Variants in RASSF9 observed in about 807,000 individuals in gnomAD.
RASSF9 encodes the protein ras association domain-containing protein 9.
Under a neutral mutation model 21.4 loss-of-function variants are expected in RASSF9, and 18 were observed. The ratio of observed to expected loss-of-function variants is 0.84; its 90% CI spans 0.58 to 1.25. The LOEUF is 1.25. RASSF9 is among the 50% of genes most tolerant of loss of function. The probability of loss-of-function intolerance (pLI) is 0.00; values close to 1 mark genes in which losing one functional copy is unlikely to be tolerated. For missense variants in RASSF9, 480 were observed against 503.2 expected (o/e 0.95, Z 0.44); for synonymous variants, 183 against 179.1 (o/e 1.02, Z -0.18).
intron 1 of RASSF9, among the ~76,000 whole-genome samples, chr12:85,806,767 C>T (rs1879846585): frequency 6.7e-6 from 1 of 150,240 alleles, no homozygotes; most frequent in Non-Finnish European, 1.5e-5. Flanking sequence ...CTTTTTATTT[C>T]CTAGTGTGCT....
In RASSF9 at chr12:85,801,942, G is replaced by A. The variant is rs1242314285; in HGVS notation, c.*2760C>T. The A allele has an allele frequency of 6.6e-6, 1 of 152,238 alleles. No individual in the cohort carries two copies. The highest frequency in any genetic ancestry group is 1.5e-5 in the Non-Finnish European group (1 of 68,062). 9.4% of individuals were successfully genotyped at this position (152,238 alleles called of 1,614,324 possible). On this transcript the variant is annotated 3_prime_UTR_variant, in exon 2 of 2. Transcript: ENST00000361228. ...CTAAAATATTTCTGGGTTCAGAGAT[G>A]AGATTCCAACTAATTGAATGGAACA... is the stretch of plus-strand genomic sequence containing the variant.
chr12:85,835,549 T>A (rs1281953131), intron 1 of RASSF9, among the ~76,000 whole-genome samples: 1 of 152,180 alleles, frequency 6.6e-6, no homozygotes, highest in African/African-American at 2.4e-5. Flanking sequence ...TGCTTAAAAC[T>A]ACCTAAAATT....
chr12:85,819,429 A>G (rs1012792901), intron 1 of RASSF9, among the ~76,000 whole-genome samples: 13 of 152,184 alleles, frequency 8.5e-5, no homozygotes, highest in African/African-American at 2.9e-4. Flanking sequence ...TGACCTATTC[A>G]TTCCTGCACC....
chr12:85,817,873 G>A lies in RASSF9; in HGVS notation c.48-11911C>T, dbSNP rs556667707. Reference sequence around the variant, plus strand: ...TGTACAAATGTACTATACAATTTCAGAGAAGAAAAACAACAATAAAGTTAA... The same window carrying A: ...TGTACAAATGTACTATACAATTTCAAAGAAGAAAAACAACAATAAAGTTAA... On this transcript the variant is annotated intron_variant, in intron 1 of 1. Coordinates refer to ENST00000361228, the MANE Select transcript of RASSF9 (RefSeq NM_005447.4). Among the ~76,000 whole-genome samples, 3 of 152,182 alleles carry A rather than the reference G, an allele frequency of 2.0e-5. No individual in the cohort carries two copies. In the South Asian group the frequency reaches 6.2e-4, roughly 32 times the overall value.
chr12:85,820,856 T>C (rs955785667), intron 1 of RASSF9, among the ~76,000 whole-genome samples: 1 of 152,116 alleles, frequency 6.6e-6, no homozygotes, highest in African/African-American at 2.4e-5. Context: ...CTTTAAAAGC[T>C]ACATTGAGGC....
At chr12:85,814,120 G>C (rs374701718) in intron 1 of RASSF9, among the ~76,000 whole-genome samples, 4 of 152,168 alleles carry the variant, frequency 2.6e-5, no homozygotes, top group African/African-American at 9.6e-5. Flanking sequence ...TCAGATTGAA[G>C]CATAAGGCCT....
chr12:85,805,395 T>A lies in RASSF9; in HGVS notation c.615A>T (p.Lys205Asn), dbSNP rs371263269. The change falls in exon 2 of 2, where the codon AAA becomes AAT. Residue 205 changes from lysine to asparagine, a missense_variant. Coordinates refer to ENST00000361228, the MANE Select transcript of RASSF9 (RefSeq NM_005447.4). ...ACTTTTCAATTTCCAGATCCAGCTC[T>A]TTCATTCTCTTGACTTGCTGATGAA... ...HTIHQQVKRMKELDLEIEKCE... is the reference protein window; with the variant it reads ...HTIHQQVKRMNELDLEIEKCE... The A allele has an allele frequency of 5.8e-5, 94 of 1,613,580 alleles. No homozygotes were observed. Among genetic ancestry groups the A allele is most frequent in the Non-Finnish European group, 7.4e-5 (87 of 1,179,782 alleles).
At chr12:85,832,177 T>G (rs546463679) in intron 1 of RASSF9, among the ~76,000 whole-genome samples, 1 of 152,024 alleles carries the variant, frequency 6.6e-6, no homozygotes, top group Non-Finnish European at 1.5e-5. Flanking sequence ...AAGTGCCCTT[T>G]AAACTGGATT....
chr12:85,820,355 G>T (rs1880179930), intron 1 of RASSF9, among the ~76,000 whole-genome samples: 1 of 152,092 alleles, frequency 6.6e-6, no homozygotes. Flanking sequence ...TTTACTGAAA[G>T]TTTGCCAACC....
At chr12:85,806,833 G>A (rs542161686) in intron 1 of RASSF9, among the ~76,000 whole-genome samples, 41 of 152,106 alleles carry the variant, frequency 2.7e-4, no homozygotes, top group African/African-American at 9.9e-4. Flanking sequence ...TTAAAGCATA[G>A]GTAGCGATAG....
At position 85,803,439 on chromosome 12, in the gene RASSF9, CAT is replaced by C. The variant is rs1190694606; in HGVS notation, c.*1261_*1262del. On this transcript the variant is annotated 3_prime_UTR_variant, in exon 2 of 2. Transcript: ENST00000361228. ...AATAATTATTTCATTATGATTGCATCATGTGTTCATTGGCAGGAAGGAAGCAA... is the reference window on the plus strand; with the variant it reads ...AATAATTATTTCATTATGATTGCATCGTGTTCATTGGCAGGAAGGAAGCAA... The C allele has an allele frequency of 2.0e-5, 3 of 151,876 alleles. No individual in the cohort carries two copies. The highest frequency in any genetic ancestry group is 4.4e-5 in the Non-Finnish European group (3 of 67,978). 9.4% of individuals were successfully genotyped at this position (151,876 alleles called of 1,614,324 possible). A position where few individuals can be genotyped will look rare whatever the true frequency, so the allele number is the denominator to read the frequency against.
intron 1 of RASSF9, among the ~76,000 whole-genome samples, chr12:85,809,380 C>T (rs545906439): frequency 6.6e-6 from 1 of 152,126 alleles, no homozygotes; most frequent in East Asian, 1.9e-4. Context: ...GAACTTTTTC[C>T]ACTAGGCAGC....
intron 1 of RASSF9, among the ~76,000 whole-genome samples, chr12:85,829,263 A>T (rs1880398827): frequency 6.6e-6 from 1 of 152,110 alleles, no homozygotes; most frequent in Admixed American, 6.6e-5. Context: ...GAGCCTGAAA[A>T]TTTGCTGAAG....
intron 1 of RASSF9, among the ~76,000 whole-genome samples, chr12:85,823,864 G>T (rs1434816022): frequency 6.6e-6 from 1 of 152,154 alleles, no homozygotes; most frequent in Non-Finnish European, 1.5e-5. Context: ...CTGACCCACA[G>T]AATTATGGAA....
At chr12:85,832,765 A>T (rs1164505086) in intron 1 of RASSF9, among the ~76,000 whole-genome samples, 1 of 151,930 alleles carries the variant, frequency 6.6e-6, no homozygotes, top group Non-Finnish European at 1.5e-5. Flanking sequence ...GATGAAGAAG[A>T]TATGCATCAA....
intron 1 of RASSF9, among the ~76,000 whole-genome samples, chr12:85,811,246 T>A (rs557324152): frequency 4.0e-5 from 6 of 151,872 alleles, no homozygotes; most frequent in African/African-American, 1.2e-4. Context: ...ATTGAGAGAA[T>A]CCCCTGTATC....
intron 1 of RASSF9, among the ~76,000 whole-genome samples, chr12:85,834,815 C>T (rs903644702): frequency 1.1e-4 from 16 of 152,098 alleles, no homozygotes; most frequent in African/African-American, 3.6e-4. Flanking sequence ...GGAGGCTTTT[C>T]TGGAATATTC....
Position 85,804,555 on chromosome 12 carries a change from G to A in RASSF9, c.*147C>T. 1 of 825,958 alleles carries A rather than the reference G, an allele frequency of 1.2e-6. No homozygotes were observed. The highest frequency in any genetic ancestry group is 1.7e-6 in the Non-Finnish European group (1 of 582,010). The allele number at this position is 825,958 out of a possible 1,614,324, so 51.2% of individuals were successfully genotyped here. A position where few individuals can be genotyped will look rare whatever the true frequency, so the allele number is the denominator to read the frequency against. ...AAGTTCCTTTGGAAATTTCACATCA[G>A]AAACAACACATTTCTCGAGTTTTTA... is the stretch of plus-strand genomic sequence containing the variant. On this transcript the variant is annotated 3_prime_UTR_variant, in exon 2 of 2. Coordinates refer to ENST00000361228, the MANE Select transcript of RASSF9 (RefSeq NM_005447.4).
intron 1 of RASSF9, among the ~76,000 whole-genome samples, chr12:85,809,096 TAAAG>T (rs1336780207): frequency 6.6e-6 from 1 of 152,040 alleles, no homozygotes; most frequent in African/African-American, 2.4e-5. Context: ...ATTTTACAGA[TAAAG>T]AAAGAGAGGC....
Sources: gnomAD v4.1 joint callset for allele counts (sites outside exome capture counted in the v4.1 genomes callset) on GRCh38, gnomAD v4.1.1 for gene constraint, MANE v1.5 for transcripts, NCBI Gene and HGNC (gene_info 2026-07-23, HGNC 2026-07-21) for gene names.